Variants in GRM3 observed in about 807,000 individuals in gnomAD.
GRM3 encodes metabotropic glutamate receptor 3.
GRM3 carries 26 observed loss-of-function variants against 70.5 expected under a neutral mutation model. The ratio of observed to expected loss-of-function variants is 0.37; its 90% confidence interval spans 0.27 to 0.51. GRM3 has a LOEUF of 0.51. Ranked by LOEUF, GRM3 falls within the 20% of genes least tolerant of loss-of-function variation. GRM3 has a pLI of 0.93. For synonymous variants in GRM3, 443 were observed against 434.9 expected (o/e 1.02, Z -0.23); for missense variants, 859 against 1,123.8 (o/e 0.76, Z 3.37).
chr7:86,727,684 T>C (rs1795623259), intron 1 of GRM3, among the ~76,000 whole-genome samples: 1 of 152,152 alleles, frequency 6.6e-6, no homozygotes, highest in Admixed American at 6.6e-5. Context: ...TTAGATCAAG[T>C]GAGAAATATT....
At chr7:86,837,807 C>G (rs1306341743) in intron 3 of GRM3, among the ~76,000 whole-genome samples, 1 of 152,196 alleles carries the variant, frequency 6.6e-6, no homozygotes, top group East Asian at 1.9e-4. Flanking sequence ...CCAACACAGG[C>G]AAGCCTACCA....
At chr7:86,662,859 A>G (rs1793929224) in intron 1 of GRM3, among the ~76,000 whole-genome samples, 1 of 151,826 alleles carries the variant, frequency 6.6e-6, no homozygotes. Context: ...GAGCCACCAA[A>G]TGTAGTATGA....
chr7:86,731,223 C>G (rs1240222222), intron 1 of GRM3, among the ~76,000 whole-genome samples: 1 of 152,088 alleles, frequency 6.6e-6, no homozygotes, highest in Non-Finnish European at 1.5e-5. Context: ...ATCATATTAC[C>G]TTTTCCTTTC....
intron 1 of GRM3, among the ~76,000 whole-genome samples, chr7:86,699,891 T>C (rs1361195216): frequency 2.6e-5 from 4 of 152,010 alleles, no homozygotes; most frequent in Non-Finnish European, 5.9e-5. Flanking sequence ...TAAGAAAAAC[T>C]TGACCTGCAT....
intron 1 of GRM3, among the ~76,000 whole-genome samples, chr7:86,688,747 G>A (rs375669170): frequency 9.0e-5 from 13 of 144,308 alleles, no homozygotes; most frequent in Middle Eastern, 3.9e-3. Context: ...TATATATATC[G>A]TATATATATA....
intron 3 of GRM3, among the ~76,000 whole-genome samples, chr7:86,808,226 G>A (rs1222220410): frequency 6.6e-6 from 1 of 152,058 alleles, no homozygotes; most frequent in Non-Finnish European, 1.5e-5. Context: ...CTGTGTCTCT[G>A]CCAGGCATTG....
chr7:86,738,585 T>G (rs1238403964), intron 1 of GRM3, among the ~76,000 whole-genome samples: 1 of 152,166 alleles, frequency 6.6e-6, no homozygotes, highest in Non-Finnish European at 1.5e-5. Flanking sequence ...TTAGGCAAGT[T>G]AAATGACATG....
rs2116417020 is a variant in GRM3, at chr7:86,765,537, C to T, written c.392C>T (p.Ser131Phe). 1.9e-6 allele frequency: 3 copies of T among 1,613,602 alleles called. No individual in the cohort carries two copies. The highest frequency in any genetic ancestry group is 4.5e-5 in the East Asian group (2 of 44,860). The change falls in exon 2 of 6, where the codon TCC becomes TTC. Residue 131 changes from serine to phenylalanine, a missense_variant. Physicochemically the swap from Ser to Phe is radical, Grantham distance 155. Transcript: ENST00000361669. The part of the protein sequence containing the change: ...DEAEYMCPDG[S>F]YAIQENIPLL... ...GCTGAGTATATGTGTCCTGATGGAT[C>T]CTATGCCATTCAAGAAAACATCCCA... is the stretch of plus-strand genomic sequence containing the variant.
intron 1 of GRM3, among the ~76,000 whole-genome samples, chr7:86,660,100 G>T (rs1584145024): frequency 6.6e-6 from 1 of 152,050 alleles, no homozygotes; most frequent in Non-Finnish European, 1.5e-5. Flanking sequence ...GATTTATTAA[G>T]CTATGTTTAC....
intron 3 of GRM3, among the ~76,000 whole-genome samples, chr7:86,812,420 C>T (rs903541050): frequency 6.6e-6 from 1 of 151,712 alleles, no homozygotes; most frequent in Non-Finnish European, 1.5e-5. Context: ...AAGGGAGAAA[C>T]TTTAGAGTAT....
rs138531728 is a variant in GRM3 at position 86,850,722 on chromosome 7, CAAAGAAGTCA to C, written c.2566+181_2566+190del. Among the ~76,000 whole-genome samples the C allele has an allele frequency of 8.9e-4, 135 of 152,198 alleles. 2 individuals carry two copies. The highest frequency in any genetic ancestry group is 3.2e-3 in the African/African-American group (131 of 41,526). On this transcript the variant is annotated intron_variant, in intron 5 of 5. Coordinates refer to ENST00000361669, the MANE Select transcript of GRM3 (RefSeq NM_000840.3). ...TAAGTGCTGGGGATTCAGTAAGGAG[CAAAGAAGTCA>C]AAGTTTCTGTTTGGGCAGCACATAC...
At chr7:86,690,530 A>G (rs896745402) in intron 1 of GRM3, among the ~76,000 whole-genome samples, 2 of 152,156 alleles carry the variant, frequency 1.3e-5, no homozygotes, top group Admixed American at 6.6e-5. Flanking sequence ...TCACCATGAA[A>G]TTAAAGCAGA....
intron 5 of GRM3, among the ~76,000 whole-genome samples, chr7:86,863,694 T>C (rs557795653): frequency 4.6e-5 from 7 of 152,196 alleles, no homozygotes. Context: ...CATCCCTGTA[T>C]AGACAGAACA....
At chr7:86,682,671 A>G (rs1404061253) in intron 1 of GRM3, among the ~76,000 whole-genome samples, 1 of 152,146 alleles carries the variant, frequency 6.6e-6, no homozygotes, top group Admixed American at 6.6e-5. Flanking sequence ...AAGAGAGGTG[A>G]ATTATTTCTT....
intron 3 of GRM3, among the ~76,000 whole-genome samples, chr7:86,813,515 G>A (rs944035022): frequency 2.6e-5 from 4 of 151,808 alleles, no homozygotes; most frequent in Admixed American, 2.6e-4. Flanking sequence ...TATTTTTAAA[G>A]CGTTATTAAC....
intron 1 of GRM3, among the ~76,000 whole-genome samples, chr7:86,764,268 T>C (rs1374802793): frequency 6.6e-6 from 1 of 152,080 alleles, no homozygotes; most frequent in Non-Finnish European, 1.5e-5. Flanking sequence ...CAATGGAATT[T>C]GAGATGTTGT....
At chr7:86,815,645 C>A (rs1418177688) in intron 3 of GRM3, among the ~76,000 whole-genome samples, 4 of 151,838 alleles carry the variant, frequency 2.6e-5, no homozygotes, top group Non-Finnish European at 2.9e-5. Context: ...TTTTACTACA[C>A]CCTTATAGAT....
At chr7:86,863,966 A>G (rs1221317807) in intron 5 of GRM3, among the ~76,000 whole-genome samples, 1 of 152,182 alleles carries the variant, frequency 6.6e-6, no homozygotes, top group African/African-American at 2.4e-5. Flanking sequence ...CATTTTAACC[A>G]TTTAGCACTT....
At chr7:86,659,130 G>A (rs2115827026) in intron 1 of GRM3, among the ~76,000 whole-genome samples, 1 of 152,220 alleles carries the variant, frequency 6.6e-6, no homozygotes, top group Middle Eastern at 3.4e-3. Flanking sequence ...TTTCATAGAA[G>A]ACGATTCTTG....
Sources: gnomAD v4.1 joint callset for allele counts (sites outside exome capture counted in the v4.1 genomes callset) on GRCh38, gnomAD v4.1.1 for gene constraint, MANE v1.5 for transcripts, NCBI Gene and HGNC (gene_info 2026-07-23, HGNC 2026-07-21) for gene names.